Variants in GALNTL6 observed in about 807,000 individuals in gnomAD.
GALNTL6 encodes polypeptide N-acetylgalactosaminyltransferase-like 6.
In GALNTL6, 46 loss-of-function variants were observed where a neutral mutation model predicts 73.7. That is an observed-to-expected ratio of 0.62 (90% CI 0.49 to 0.80). The LOEUF is 0.80. Ranked by LOEUF, GALNTL6 falls within the 30% of genes least tolerant of loss-of-function variation. The probability of loss-of-function intolerance (pLI) is 0.00; values close to 1 mark genes in which losing one functional copy is unlikely to be tolerated. For missense variants in GALNTL6, 604 were observed against 755.0 expected (o/e 0.80, Z 2.34); for synonymous variants, 259 against 263.7 (o/e 0.98, Z 0.17).
chr4:172,721,577 A>G (rs750166950), intron 5 of GALNTL6, among the ~76,000 whole-genome samples: 1 of 152,158 alleles, frequency 6.6e-6, no homozygotes, highest in Non-Finnish European at 1.5e-5. Flanking sequence ...CCAGGTATCA[A>G]TAGAGTTGGT....
intron 2 of GALNTL6, among the ~76,000 whole-genome samples, chr4:171,836,823 T>C (rs1165323099): frequency 6.6e-6 from 1 of 151,918 alleles, no homozygotes; most frequent in South Asian, 2.1e-4. Context: ...AATAAGTAAA[T>C]GTTGAAGGAA....
At chr4:172,239,147 A>G (rs1737335043) in intron 3 of GALNTL6, among the ~76,000 whole-genome samples, 1 of 152,160 alleles carries the variant, frequency 6.6e-6, no homozygotes, top group Non-Finnish European at 1.5e-5. Context: ...CTCCTACTCA[A>G]CTTTTTGGAA....
At chr4:172,302,038 C>T (rs1281705374) in intron 3 of GALNTL6, among the ~76,000 whole-genome samples, 2 of 152,208 alleles carry the variant, frequency 1.3e-5, no homozygotes, top group African/African-American at 2.4e-5. Context: ...TTCCCAGCCG[C>T]TTTGTTTACC....
intron 12 of GALNTL6, among the ~76,000 whole-genome samples, chr4:173,039,423 A>G (rs1411228377): frequency 6.6e-6 from 1 of 151,200 alleles, no homozygotes; most frequent in East Asian, 1.9e-4. Context: ...TTTCTTTTGT[A>G]TTTCTCTTTC....
intron 2 of GALNTL6, among the ~76,000 whole-genome samples, chr4:172,074,716 T>C (rs912556486): frequency 6.6e-6 from 1 of 151,760 alleles, no homozygotes; most frequent in Non-Finnish European, 1.5e-5. Flanking sequence ...CAACACAATA[T>C]GGAAAACAGG....
intron 5 of GALNTL6, among the ~76,000 whole-genome samples, chr4:172,649,588 T>C (rs1269750828): frequency 6.6e-6 from 1 of 152,182 alleles, no homozygotes; most frequent in Non-Finnish European, 1.5e-5. Context: ...AATGTGTGTA[T>C]AAAGAATTTT....
intron 5 of GALNTL6, among the ~76,000 whole-genome samples, chr4:172,448,418 A>G (rs1345971651): frequency 6.6e-6 from 1 of 152,172 alleles, no homozygotes; most frequent in Admixed American, 6.6e-5. Context: ...ACTTCTTTAG[A>G]TAGCACTCTG....
chr4:172,531,119 C>A (rs1457904009), intron 5 of GALNTL6, among the ~76,000 whole-genome samples: 1 of 152,052 alleles, frequency 6.6e-6, no homozygotes, highest in East Asian at 1.9e-4. Flanking sequence ...TGGCAGAAGA[C>A]CTTGATAGGT....
At chr4:172,208,985 G>T (rs1259679846) in intron 2 of GALNTL6, among the ~76,000 whole-genome samples, 2 of 152,060 alleles carry the variant, frequency 1.3e-5, no homozygotes, top group African/African-American at 4.8e-5. Context: ...ACATGAGAAA[G>T]GTTAAACTAC....
intron 5 of GALNTL6, among the ~76,000 whole-genome samples, chr4:172,712,879 A>G (rs1281363156): frequency 6.6e-6 from 1 of 152,230 alleles, no homozygotes; most frequent in East Asian, 1.9e-4. Flanking sequence ...GAGGCTGAAC[A>G]TAATGAGTGT....
At chr4:173,005,054 C>A (rs1752212602) in intron 10 of GALNTL6, among the ~76,000 whole-genome samples, 1 of 151,982 alleles carries the variant, frequency 6.6e-6, no homozygotes, top group Admixed American at 6.6e-5. Context: ...TGCCACATTC[C>A]CCTTCTCTTG....
chr4:172,162,908 A>T (rs532712469), intron 2 of GALNTL6, among the ~76,000 whole-genome samples: 1 of 152,186 alleles, frequency 6.6e-6, no homozygotes, highest in South Asian at 2.1e-4. Context: ...ATATCCAGGA[A>T]CAAATTAAAG....
At chr4:172,705,859 T>C (rs116177771) in intron 5 of GALNTL6, among the ~76,000 whole-genome samples, 1 of 152,120 alleles carries the variant, frequency 6.6e-6, no homozygotes, top group African/African-American at 2.4e-5. Flanking sequence ...TCAGATCTCT[T>C]TTATATATGA....
At chr4:172,060,823 C>T (rs373670088) in intron 2 of GALNTL6, among the ~76,000 whole-genome samples, 20 of 152,142 alleles carry the variant, frequency 1.3e-4, no homozygotes, top group African/African-American at 3.9e-4. Flanking sequence ...ATGGCTAATA[C>T]GTACAATGGA....
intron 5 of GALNTL6, among the ~76,000 whole-genome samples, chr4:172,569,064 T>A (rs773996418): frequency 6.6e-6 from 1 of 152,186 alleles, no homozygotes; most frequent in African/African-American, 2.4e-5. Flanking sequence ...CAGAACTCAG[T>A]TGAAGAAAGA....
rs575456300 is a variant in GALNTL6, at chr4:172,127,775, C to T, written c.139-101881C>T. Among the ~76,000 whole-genome samples, 410 of 152,206 alleles carry T rather than the reference C, an allele frequency of 2.7e-3. 6 individuals carry two copies. The South Asian group carries it at 0.029, about 11-fold the overall frequency. On this transcript the variant is annotated intron_variant, in intron 2 of 12. Coordinates refer to ENST00000506823, the MANE Select transcript of GALNTL6 (RefSeq NM_001034845.3). ...TGTTTTTAGGCTTGGTTTATAGTTT[C>T]ATGATTTTAAAACATTTATCAGGGA...
At chr4:172,183,537 G>A (rs1477395838) in intron 2 of GALNTL6, among the ~76,000 whole-genome samples, 3 of 152,140 alleles carry the variant, frequency 2.0e-5, no homozygotes, top group Admixed American at 1.3e-4. Context: ...TGTAGGCAAG[G>A]ACTTAGACCA....
chr4:172,619,499 A>G (rs1158065924), intron 5 of GALNTL6, among the ~76,000 whole-genome samples: 2 of 152,192 alleles, frequency 1.3e-5, no homozygotes, highest in African/African-American at 4.8e-5. Flanking sequence ...TCACTTTTTC[A>G]GAACAACAAA....
intron 5 of GALNTL6, among the ~76,000 whole-genome samples, chr4:172,596,458 AAG>A (rs1433723052): frequency 2.4e-4 from 25 of 105,578 alleles, no homozygotes; most frequent in African/African-American, 6.5e-4. Flanking sequence ...AAAAAAAAAA[AAG>A]AAAAAAAAAA....
Sources: allele counts gnomAD v4.1 joint callset (sites outside exome capture counted in the v4.1 genomes callset), GRCh38; gene constraint gnomAD v4.1.1; transcripts MANE v1.5; gene names NCBI Gene and HGNC (gene_info 2026-07-23, HGNC 2026-07-21).